PCDHGB5: variants seen among roughly 807,000 people sequenced by gnomAD.
PCDHGB5 encodes protocadherin gamma subfamily B, 5, also known as protocadherin gamma-B5.
PCDHGB5 carries 48 observed loss-of-function variants against 62.9 expected under a neutral mutation model. The ratio of observed to expected loss-of-function variants is 0.76; its 90% confidence interval spans 0.61 to 0.97. The LOEUF (loss-of-function observed/expected upper bound fraction) is 0.97. Ranked by LOEUF, PCDHGB5 falls within the 50% of genes least tolerant of loss-of-function variation. The pLI is 0.00. For synonymous variants in PCDHGB5, 474 were observed against 511.2 expected (o/e 0.93, Z 0.98); for missense variants, 1,118 against 1,198.6 (o/e 0.93, Z 0.99).
At chr5:141,446,837 T>G (rs2098518039) in intron 1 of PCDHGB5, among the ~76,000 whole-genome samples, 1 of 152,168 alleles carries the variant, frequency 6.6e-6, no homozygotes, top group South Asian at 2.1e-4. Flanking sequence ...CTTATAAGGC[T>G]GAGCATAATA....
intron 1 of PCDHGB5, among the ~76,000 whole-genome samples, chr5:141,482,529 GC>G (rs1229840218): frequency 3.6e-5 from 2 of 56,040 alleles, no homozygotes; most frequent in Non-Finnish European, 5.8e-5. Context: ...AGACAGACAT[GC>G]AAAAAAAAAA....
chr5:141,410,174 G>A (rs1369332920), intron 1 of PCDHGB5: 4 of 1,613,588 alleles, frequency 2.5e-6, no homozygotes, highest in East Asian at 2.2e-5. Flanking sequence ...CTCTGCCACC[G>A]CCACGCTTCA....
chr5:141,433,837 C>CAAAAAAAAAAAAAAA (rs56191208), intron 1 of PCDHGB5, among the ~76,000 whole-genome samples: 1 of 111,692 alleles, frequency 9.0e-6, no homozygotes. Flanking sequence ...AACTCTATCT[C>CAAAAAAAAAAAAAAA]AAAAAAAAAA....
chr5:141,476,951 A>C lies in PCDHGB5; in HGVS notation c.2398-17856A>C. On this transcript the variant is annotated intron_variant, in intron 1 of 3. Coordinates refer to ENST00000617380, the MANE Select transcript of PCDHGB5 (RefSeq NM_018925.3). The surrounding 1 kb of genome is among the most constrained non-coding windows in gnomAD (Gnocchi z 7.6). ...TCTGGATGAAGGCCCCAACGGTGAA[A>C]TTATTTACTCCTTCGGCAGCCACAA... 6.2e-7 allele frequency: 1 copy of C among 1,614,184 alleles called. No individual in the cohort carries two copies. Among genetic ancestry groups the C allele is most frequent in the South Asian group, 1.1e-5 (1 of 91,088 alleles).
Position 141,400,181 on chromosome 5 carries a change from A to T in PCDHGB5, c.2054A>T (p.Gln685Leu). 1 of 1,614,034 alleles carries T rather than the reference A, an allele frequency of 6.2e-7. No homozygotes were observed. Among genetic ancestry groups the T allele is most frequent in the Non-Finnish European group, 8.5e-7 (1 of 1,179,896 alleles). The change falls in exon 1 of 4, where the codon CAG (glutamine) becomes CTG (leucine). Residue 685 changes from glutamine to leucine, a missense_variant. Transcript: ENST00000617380. ...PVPSDPQAEL[Q>L]FYLVVALALI... ...CCCTCTGACCCCCAGGCTGAGCTGC[A>T]GTTTTACCTAGTGGTGGCCTTGGCC...
intron 1 of PCDHGB5, chr5:141,479,198 GA>G (rs1288699377): frequency 6.6e-6 from 1 of 152,304 alleles, no homozygotes; most frequent in African/African-American, 2.4e-5. Context: ...AGAAAATACA[GA>G]AAAGTATTTA....
At position 141,486,579 on chromosome 5, in the gene PCDHGB5, G is replaced by A. The variant is rs747583158; in HGVS notation, c.2398-8228G>A. On this transcript the variant is annotated intron_variant, in intron 1 of 3. Coordinates refer to ENST00000617380, the MANE Select transcript of PCDHGB5 (RefSeq NM_018925.3). The surrounding 1 kb of genome is among the most constrained non-coding windows in gnomAD (Gnocchi z 5.0). ...GAGGTGTTTGTTCCTGAGAACAATC[G>A]CCCAGGGGACCTGCTTTGCTCCCTT... is the stretch of plus-strand genomic sequence containing the variant. The A allele has an allele frequency of 5.1e-5, 82 of 1,613,426 alleles. No homozygotes were observed. Among genetic ancestry groups the A allele is most frequent in the South Asian group, 2.2e-4 (20 of 91,084 alleles).
intron 1 of PCDHGB5, among the ~76,000 whole-genome samples, chr5:141,401,895 TC>T (rs2094205697): frequency 6.6e-6 from 1 of 152,224 alleles, no homozygotes; most frequent in Non-Finnish European, 1.5e-5. Context: ...GTGTTCTTTT[TC>T]CCAAATTATT....
chr5:141,427,530 T>C (rs1302316196), intron 1 of PCDHGB5: 3 of 619,732 alleles, frequency 4.8e-6, no homozygotes, highest in Non-Finnish European at 9.0e-6. Context: ...GATCCCGGAG[T>C]ACAACGTCAC....
Position 141,399,609 on chromosome 5 carries a change from T to C in PCDHGB5, c.1482T>C (p.Pro494=). 2 of 1,613,918 alleles carry C rather than the reference T, an allele frequency of 1.2e-6. No homozygotes were observed. The highest frequency in any genetic ancestry group is 1.7e-6 in the Non-Finnish European group (2 of 1,179,876). ...SYSIMASDLE[P]LALASYVSMS... The stretch of plus-strand genomic sequence containing the variant: ...CTATCATGGCCAGCGACCTAGAGCC[T>C]CTGGCACTGGCCTCTTACGTGTCCA... Residue 494 remains proline (P), a synonymous_variant, in exon 1 of 4, where the codon CCT becomes CCC. Transcript: ENST00000617380.
rs1385144710 is a variant in PCDHGB5 at position 141,399,080 on chromosome 5, G to A, written c.953G>A (p.Arg318Lys). 2 of 1,613,696 alleles carry A rather than the reference G, an allele frequency of 1.2e-6. No individual in the cohort carries two copies. The highest frequency in any genetic ancestry group is 1.7e-6 in the Non-Finnish European group (2 of 1,179,868). ...GAATATTCAATGGTTGTAGAAGGGAGGGATGGTGGTGGACTGGTTGCACAA... is the reference window on the plus strand; with the variant it reads ...GAATATTCAATGGTTGTAGAAGGGAAGGATGGTGGTGGACTGGTTGCACAA... ...TKEYSMVVEG[R>K]DGGGLVAQCT... Residue 318 changes from arginine to lysine, a missense_variant, in exon 1 of 4, where the codon AGG (arginine) becomes AAG (lysine). Transcript: ENST00000617380.
At chr5:141,421,376 C>T in intron 1 of PCDHGB5, 2 of 1,614,030 alleles carry the variant, frequency 1.2e-6, no homozygotes, top group Non-Finnish European at 1.7e-6. Context: ...GGCAATATCT[C>T]CAAGGACCTG....
chr5:141,434,480 C>T (rs777049751), intron 1 of PCDHGB5, among the ~76,000 whole-genome samples: 6 of 152,194 alleles, frequency 3.9e-5, no homozygotes, highest in Non-Finnish European at 5.9e-5. Context: ...GGGCAAGGAA[C>T]ACCTGGCCCG....
At chr5:141,473,966 G>A (rs1268822103) in intron 1 of PCDHGB5, among the ~76,000 whole-genome samples, 3 of 152,174 alleles carry the variant, frequency 2.0e-5, no homozygotes, top group Non-Finnish European at 4.4e-5. Context: ...CTACTTAGAA[G>A]TCTGAGGCGG....
intron 1 of PCDHGB5, among the ~76,000 whole-genome samples, chr5:141,455,570 A>T (rs181469693): frequency 2.6e-5 from 4 of 152,222 alleles, no homozygotes; most frequent in Non-Finnish European, 5.9e-5. Context: ...TGGCCCTCCC[A>T]CCCCAGCCTT....
intron 1 of PCDHGB5, among the ~76,000 whole-genome samples, chr5:141,472,357 C>T (rs1020143523): frequency 2.4e-4 from 37 of 152,012 alleles, no homozygotes; most frequent in Non-Finnish European, 1.5e-4. Context: ...CTGGCTAACA[C>T]GGTGAAACCC....
intron 1 of PCDHGB5, among the ~76,000 whole-genome samples, chr5:141,484,045 G>A (rs934525987): frequency 7.9e-5 from 12 of 152,026 alleles, no homozygotes; most frequent in African/African-American, 2.9e-4. Context: ...AGCTCCAAGA[G>A]GTCCCCTGGG....
chr5:141,491,109 A>G lies in PCDHGB5; in HGVS notation c.2398-3698A>G, dbSNP rs1039906987. 4.3e-6 allele frequency: 7 copies of G among 1,614,074 alleles called. No individual in the cohort carries two copies. The African/African-American group carries it at 9.3e-5, about 22-fold the overall frequency. ...CCCCAGGACTGTTCCTCGTGTCTAC[A>G]CACACTGGTGAGGTGCGCACAGCCC... On this transcript the variant is annotated intron_variant, in intron 1 of 3. Coordinates refer to ENST00000617380, the MANE Select transcript of PCDHGB5 (RefSeq NM_018925.3). The surrounding 1 kb of genome is among the most constrained non-coding windows in gnomAD (Gnocchi z 6.9).
At position 141,432,009 on chromosome 5, in the gene PCDHGB5, G is replaced by T. The variant is rs1227754190; in HGVS notation, c.2397+31485G>T. ...GTCTTGGATAGGGAACAGGTTCCTAGCTACAACATCACAGTGACCGCCACT... is the reference window on the plus strand; with the variant it reads ...GTCTTGGATAGGGAACAGGTTCCTATCTACAACATCACAGTGACCGCCACT... On this transcript the variant is annotated intron_variant, in intron 1 of 3. Transcript: ENST00000617380. The surrounding 1 kb of genome is among the most constrained non-coding windows in gnomAD (Gnocchi z 6.0). 1 of 1,614,070 alleles carries T rather than the reference G, an allele frequency of 6.2e-7. No homozygotes were observed. The highest frequency in any genetic ancestry group is 8.5e-7 in the Non-Finnish European group (1 of 1,180,032).
Sources: gnomAD v4.1 joint callset for allele counts (sites outside exome capture counted in the v4.1 genomes callset) on GRCh38, gnomAD v4.1.1 for gene constraint, Gnocchi (gnomAD v3.1) non-coding constraint, MANE v1.5 for transcripts, NCBI Gene and HGNC (gene_info 2026-07-23, HGNC 2026-07-21) for gene names.